CEP135: variants seen among roughly 807,000 people sequenced by gnomAD.
CEP135 encodes the protein centrosomal protein 135, also known as centrosomal protein of 135 kDa.
CEP135 carries 142 observed loss-of-function variants against 157.3 expected under a neutral mutation model. The ratio of observed to expected loss-of-function variants is 0.90; its 90% CI spans 0.79 to 1.04. CEP135 has a LOEUF of 1.04. CEP135 is among the 50% of genes least tolerant of loss of function. The probability of loss-of-function intolerance (pLI) is 0.00; values close to 1 mark genes in which losing one functional copy is unlikely to be tolerated. For missense variants in CEP135, 1,317 were observed against 1,309.2 expected, an observed-to-expected ratio of 1.01 and a Z score of -0.09; for synonymous variants, 396 against 439.8, an observed-to-expected ratio of 0.90 and a Z score of 1.25.
In CEP135 at chr4:56,022,421, T is replaced by A. The variant is rs561137329; in HGVS notation, c.3320+1641T>A. Among the ~76,000 whole-genome samples the A allele has an allele frequency of 3.3e-5, 5 of 152,132 alleles. No individual in the cohort carries two copies. The South Asian group carries it at 1.0e-3, about 32-fold the overall frequency. On this transcript the variant is annotated intron_variant, in intron 24 of 25. Transcript: ENST00000257287. ...ATAGAGGTAGCAAAAAAATTTTAGG[T>A]TGTATAAGTTAGTAGAATGGTTTAT...
At chr4:55,989,801 T>G (rs924314254) in intron 14 of CEP135, among the ~76,000 whole-genome samples, 25 of 152,228 alleles carry the variant, frequency 1.6e-4, no homozygotes, top group Non-Finnish European at 2.6e-4. Context: ...TTGTAACATA[T>G]ATTAGCAAAT....
At chr4:55,975,260 C>T (rs892955895) in intron 11 of CEP135, among the ~76,000 whole-genome samples, 7 of 152,220 alleles carry the variant, frequency 4.6e-5, no homozygotes, top group South Asian at 2.1e-4. Flanking sequence ...GACATTCCCT[C>T]TCTTTTTAGA....
At chr4:56,024,437 T>C in intron 24 of CEP135, 64 bp from the exon 25 acceptor site, 1 of 1,127,280 alleles carries the variant, frequency 8.9e-7, no homozygotes, top group East Asian at 2.4e-5. Context: ...CTTATATTTG[T>C]TTGCCACTTT....
chr4:56,028,773 C>T lies in CEP135; in HGVS notation c.*12-2587C>T, dbSNP rs533138292. ...AGCCTATAAAAGTGTTTTTCCGATT[C>T]TCATACACCACTCAGCATACCACTT... On this transcript the variant is annotated intron_variant, in intron 25 of 25. Coordinates refer to ENST00000257287, the MANE Select transcript of CEP135 (RefSeq NM_025009.5). Among the ~76,000 whole-genome samples, 4 of 152,272 alleles carry T rather than the reference C, an allele frequency of 2.6e-5. 1 individual carries two copies. The highest frequency in any genetic ancestry group is 9.6e-5 in the African/African-American group (4 of 41,548).
At position 55,958,570 on chromosome 4, in the gene CEP135, G is replaced by T. The variant is rs546402945; in HGVS notation, c.615-1112G>T. 2.6e-5 allele frequency among the ~76,000 whole-genome samples: 4 copies of T among 152,180 alleles called. No homozygotes were observed. The South Asian group carries it at 8.3e-4, about 32-fold the overall frequency. On this transcript the variant is annotated intron_variant, in intron 5 of 25. Coordinates refer to ENST00000257287, the MANE Select transcript of CEP135 (RefSeq NM_025009.5). ...GTTTGTATTATTTAGGGAATTATTTGGGCTGCATAAGTGACATTAGTCTTT... is the reference window on the plus strand; with the variant it reads ...GTTTGTATTATTTAGGGAATTATTTTGGCTGCATAAGTGACATTAGTCTTT...
intron 11 of CEP135, among the ~76,000 whole-genome samples, chr4:55,978,977 A>G (rs1262352350): frequency 6.6e-6 from 1 of 152,216 alleles, no homozygotes; most frequent in East Asian, 1.9e-4. Flanking sequence ...TCGGATAACT[A>G]ATCCCATCCA....
rs527288761 is a variant in CEP135 at position 55,958,860 on chromosome 4, G to A, written c.615-822G>A. Among the ~76,000 whole-genome samples, 3 of 152,258 alleles carry A rather than the reference G, an allele frequency of 2.0e-5. No individual in the cohort carries two copies. In the South Asian group the frequency reaches 6.2e-4, roughly 32 times the overall value. On this transcript the variant is annotated intron_variant, in intron 5 of 25. Transcript: ENST00000257287. ...GCACTTTGGTAGGCCGAGGCAGGAG[G>A]ATTGCTTAAAGCCCAGGAGTTCAAG...
At chr4:56,001,760 A>AT (rs34047087) in intron 17 of CEP135, among the ~76,000 whole-genome samples, 83,607 of 151,210 alleles carry the variant, frequency 0.55, 23,518 homozygotes, top group African/African-American at 0.65. Flanking sequence ...TTATTTGAGG[A>AT]TTTTTTTTTC....
At chr4:56,002,172 G>A (rs1440797913) in intron 17 of CEP135, among the ~76,000 whole-genome samples, 1 of 152,020 alleles carries the variant, frequency 6.6e-6, no homozygotes, top group African/African-American at 2.4e-5. Flanking sequence ...CTAAATACAA[G>A]ATCATGTGGT....
chr4:55,998,542 A>G (rs1311298671), intron 15 of CEP135, among the ~76,000 whole-genome samples: 2 of 152,172 alleles, frequency 1.3e-5, no homozygotes, highest in Non-Finnish European at 2.9e-5. Context: ...ACCCGGCCAA[A>G]AAGTCAGAAT....
rs375817798 is a variant in CEP135 at position 56,024,494 on chromosome 4, C to G, written c.3321-7C>G. 5 of 1,608,844 alleles carry G rather than the reference C, an allele frequency of 3.1e-6. No homozygotes were observed. The highest frequency in any genetic ancestry group is 3.4e-6 in the Non-Finnish European group (4 of 1,175,626). On this transcript the variant is annotated splice_polypyrimidine_tract_variant and splice_region_variant and intron_variant, in intron 24 of 25. Transcript: ENST00000257287. ...ATATATCTCTCTTGTTTGATCTTTA[C>G]TAACAGAGAACGAGCAATCCAAGAG...
At chr4:55,990,708 T>A (rs1393093595) in intron 14 of CEP135, among the ~76,000 whole-genome samples, 1 of 151,980 alleles carries the variant, frequency 6.6e-6, no homozygotes. Context: ...TCACTGTGTT[T>A]CCCAGGCTGG....
At chr4:55,989,077 G>A (rs1011127192) in intron 14 of CEP135, among the ~76,000 whole-genome samples, 6 of 152,114 alleles carry the variant, frequency 3.9e-5, no homozygotes, top group African/African-American at 1.2e-4. Context: ...ACTCAGATCA[G>A]TGGGAAAAGG....
At chr4:55,952,059 T>C (rs1257801768) in intron 1 of CEP135, 27 bp from the exon 2 acceptor site, 2 of 715,362 alleles carry the variant, frequency 2.8e-6, no homozygotes, top group African/African-American at 1.8e-5. Context: ...TATAATAAGA[T>C]AATGATGTTT....
chr4:55,988,910 G>A (rs1434080764), intron 14 of CEP135, among the ~76,000 whole-genome samples: 11 of 150,244 alleles, frequency 7.3e-5, no homozygotes, highest in African/African-American at 2.7e-4. Flanking sequence ...GCAGTGAGCC[G>A]AGCCGAGATC....
At chr4:56,022,339 C>T (rs148444523) in intron 24 of CEP135, among the ~76,000 whole-genome samples, 327 of 152,144 alleles carry the variant, frequency 2.1e-3, no homozygotes, top group African/African-American at 7.3e-3. Flanking sequence ...ACATTCTCAT[C>T]GGTGCAGTAT....
intron 14 of CEP135, among the ~76,000 whole-genome samples, chr4:55,991,584 CTG>C (rs957824462): frequency 1.3e-5 from 2 of 152,072 alleles, no homozygotes; most frequent in Non-Finnish European, 2.9e-5. Context: ...GTGTTTTGTG[CTG>C]TGTTTTTTTC....
chr4:56,012,874 C>A (rs576202321), intron 21 of CEP135, among the ~76,000 whole-genome samples: 1 of 152,076 alleles, frequency 6.6e-6, no homozygotes, highest in Non-Finnish European at 1.5e-5. Flanking sequence ...TATATCTGTT[C>A]GGGTGCTTGC....
chr4:55,962,106 A>AT (rs33948490), intron 6 of CEP135, among the ~76,000 whole-genome samples: 4,901 of 149,264 alleles, frequency 0.033, 100 homozygotes, highest in Admixed American at 0.068. Context: ...AAAAACTCTT[A>AT]TTTTTTTTTT....
Sources: allele counts gnomAD v4.1 joint callset (sites outside exome capture counted in the v4.1 genomes callset), GRCh38; gene constraint gnomAD v4.1.1; transcripts MANE v1.5; gene names NCBI Gene and HGNC (gene_info 2026-07-23, HGNC 2026-07-21).